The following MBD5 variants were observed in gnomAD, a reference collection of about 807,000 sequenced individuals.
MBD5 encodes the protein methyl-CpG-binding domain protein 5.
MBD5 carries 13 observed loss-of-function variants against 117.3 expected under a neutral mutation model. The observed-to-expected ratio is 0.11, with a 90% CI of 0.07 to 0.18. The LOEUF (loss-of-function observed/expected upper bound fraction) is 0.18, where lower values mean the gene tolerates loss of function less well. Among genes scored for constraint, MBD5 ranks in the 10% least tolerant of loss-of-function variants. The pLI, the probability that MBD5 is intolerant of heterozygous loss-of-function variation, is 1.00. For missense variants in MBD5, 1,879 were observed against 2,093.8 expected, an observed-to-expected ratio of 0.90 and a Z score of 2.00; for synonymous variants, 727 against 766.4, an observed-to-expected ratio of 0.95 and a Z score of 0.85.
chr2:148,448,975 C>CA (rs1419276548), intron 4 of MBD5, among the ~76,000 whole-genome samples: 4 of 151,600 alleles, frequency 2.6e-5, no homozygotes, highest in Non-Finnish European at 5.9e-5. Flanking sequence ...TACAGAAAAG[C>CA]AAAAAATAAC....
At chr2:148,384,325 A>G (rs936444466) in intron 4 of MBD5, among the ~76,000 whole-genome samples, 1 of 152,152 alleles carries the variant, frequency 6.6e-6, no homozygotes, top group Non-Finnish European at 1.5e-5. Flanking sequence ...TAACAGACAA[A>G]CAGAGAGCCA....
At chr2:148,337,159 C>T (rs746338624) in intron 3 of MBD5, among the ~76,000 whole-genome samples, 1 of 152,138 alleles carries the variant, frequency 6.6e-6, no homozygotes, top group East Asian at 1.9e-4. Flanking sequence ...AATCACAGCC[C>T]CTCCAAACTC....
chr2:148,201,917 G>A (rs1699153663), intron 2 of MBD5, among the ~76,000 whole-genome samples: 1 of 152,164 alleles, frequency 6.6e-6, no homozygotes. Flanking sequence ...GTAGGTACAT[G>A]TAAAATAAGT....
At chr2:148,451,755 T>A (rs1384162236) in intron 4 of MBD5, among the ~76,000 whole-genome samples, 1 of 152,184 alleles carries the variant, frequency 6.6e-6, no homozygotes, top group African/African-American at 2.4e-5. Context: ...TGTTCTTAAT[T>A]GGAGAATATG....
intron 2 of MBD5, among the ~76,000 whole-genome samples, chr2:148,205,922 C>G (rs1482942698): frequency 1.3e-5 from 2 of 152,016 alleles, no homozygotes; most frequent in African/African-American, 4.8e-5. Flanking sequence ...GGGAGGATCA[C>G]TTGAGCCCGG....
At position 148,470,047 on chromosome 2, in the gene MBD5, T is replaced by C. The variant is rs1462367233; in HGVS notation, c.2104T>C (p.Ser702Pro). The C allele has an allele frequency of 6.2e-7, 1 of 1,613,890 alleles. No homozygotes were observed. Among genetic ancestry groups the C allele is most frequent in the South Asian group, 1.1e-5 (1 of 91,078 alleles). The change falls in exon 8 of 14, where the codon TCT becomes CCT. Residue 702 changes from serine (S) to proline (P), a missense_variant. Physicochemically the swap from Ser to Pro is moderately conservative, Grantham distance 74. Around this residue, in one of 4 missense-constraint regions of MBD5, gnomAD observed 1,666 missense variants for 1,792.2 expected, o/e 0.93. Transcript: ENST00000642680. Reference sequence around the variant, plus strand: ...GGGTTCATTTCCCATCAGTTCAATGTCTCAGTTACTACAGTCTATGAGTTG... The same window carrying C: ...GGGTTCATTTCCCATCAGTTCAATGCCTCAGTTACTACAGTCTATGAGTTG... ...GQGSFPISSM[S>P]QLLQSMSCQS...
intron 11 of MBD5, 60 bp from the exon 12 acceptor site, chr2:148,502,376 A>T (rs1055497871): frequency 1.3e-6 from 2 of 1,522,424 alleles, no homozygotes; most frequent in Non-Finnish European, 1.8e-6. Flanking sequence ...GGAAAGTAAA[A>T]ACCGTGTTTA....
chr2:148,086,902 C>G (rs1275164873), intron 1 of MBD5, among the ~76,000 whole-genome samples: 1 of 152,170 alleles, frequency 6.6e-6, no homozygotes, highest in Non-Finnish European at 1.5e-5. Flanking sequence ...TGACCCTTCT[C>G]TATCTCTCAA....
intron 1 of MBD5, among the ~76,000 whole-genome samples, chr2:148,078,813 C>T (rs569235729): frequency 6.6e-6 from 1 of 152,254 alleles, no homozygotes; most frequent in Admixed American, 6.5e-5. Flanking sequence ...CTTCATGTAA[C>T]TGGATATCAT....
chr2:148,464,436 A>G (rs1323869056), intron 7 of MBD5, among the ~76,000 whole-genome samples: 1 of 152,168 alleles, frequency 6.6e-6, no homozygotes, highest in Admixed American at 6.6e-5. Flanking sequence ...AGAATAGTTC[A>G]TGGAGTATCC....
intron 4 of MBD5, among the ~76,000 whole-genome samples, chr2:148,446,602 C>CTATGTGTGTGTGTG (rs1553516216): frequency 0.055 from 8,169 of 148,826 alleles, 317 homozygotes; most frequent in Admixed American, 0.11. Context: ...GATTATTTAT[C>CTATGTGTGTGTGTG]TGTGTGTGTG....
At chr2:148,268,261 T>A (rs867327789) in intron 3 of MBD5, among the ~76,000 whole-genome samples, 1 of 152,206 alleles carries the variant, frequency 6.6e-6, no homozygotes, top group South Asian at 2.1e-4. Flanking sequence ...TTTTTCCTTT[T>A]GTATAGCCTG....
At chr2:148,256,021 C>A (rs1213659160) in intron 3 of MBD5, among the ~76,000 whole-genome samples, 1 of 152,232 alleles carries the variant, frequency 6.6e-6, no homozygotes, top group Non-Finnish European at 1.5e-5. Context: ...GAACAACAGG[C>A]CTGTGGCCGT....
intron 1 of MBD5, among the ~76,000 whole-genome samples, chr2:148,150,471 T>G (rs1697624251): frequency 6.6e-6 from 1 of 152,210 alleles, no homozygotes; most frequent in Admixed American, 6.5e-5. Context: ...TTTCCAATTC[T>G]GTGAAGAAAG....
At chr2:148,472,696 A>G (rs1270848592) in intron 8 of MBD5, among the ~76,000 whole-genome samples, 1 of 152,158 alleles carries the variant, frequency 6.6e-6, no homozygotes, top group Admixed American at 6.6e-5. Flanking sequence ...ATGAGACAGT[A>G]AATGATAGTC....
chr2:148,219,820 C>A (rs893741234), intron 2 of MBD5: 1 of 152,116 alleles, frequency 6.6e-6, no homozygotes, highest in Non-Finnish European at 1.5e-5. Context: ...AATAAACATG[C>A]TTAAGTTTAA....
At chr2:148,460,701 T>G (rs1707041351) in intron 5 of MBD5, among the ~76,000 whole-genome samples, 1 of 152,218 alleles carries the variant, frequency 6.6e-6, no homozygotes, top group Admixed American at 6.5e-5. Context: ...GAGAAATTAA[T>G]TAAAGAGATA....
At chr2:148,382,944 A>T (rs914092675) in intron 4 of MBD5, among the ~76,000 whole-genome samples, 13 of 151,570 alleles carry the variant, frequency 8.6e-5, no homozygotes, top group Non-Finnish European at 1.6e-4. Context: ...TCTCTGGGAC[A>T]CATTCAAAGC....
chr2:148,026,290 A>G (rs1343126730), intron 1 of MBD5: 1 of 152,210 alleles, frequency 6.6e-6, no homozygotes, highest in Non-Finnish European at 1.5e-5. Flanking sequence ...CAATCTGTAC[A>G]CTGGTAAGCG....
Sources: gnomAD v4.1 joint callset for allele counts (sites outside exome capture counted in the v4.1 genomes callset) on GRCh38, gnomAD v4.1.1 for gene constraint, gnomAD v4.1.1 regional missense constraint, MANE v1.5 for transcripts, NCBI Gene and HGNC (gene_info 2026-07-23, HGNC 2026-07-21) for gene names.